The following MAML2 variants were observed in gnomAD, a reference collection of about 807,000 sequenced individuals.
MAML2 encodes mastermind like transcriptional coactivator 2.
A neutral mutation model predicts 96.1 loss-of-function variants in MAML2; 22 were observed. The observed-to-expected ratio is 0.23, with a 90% CI of 0.16 to 0.33. The LOEUF (loss-of-function observed/expected upper bound fraction) is 0.33, where lower values mean the gene tolerates loss of function less well. Among genes scored for constraint, MAML2 ranks in the 10% least tolerant of loss-of-function variants. The pLI, the probability that MAML2 is intolerant of heterozygous loss-of-function variation, is 1.00. For synonymous variants in MAML2, 561 were observed against 521.3 expected, an observed-to-expected ratio of 1.08 and a Z score of -1.04; for missense variants, 1,367 against 1,392.4, an observed-to-expected ratio of 0.98 and a Z score of 0.29.
rs558819301 is a variant in MAML2, at chr11:96,339,755, C to T, written c.513+1628G>A. Among the ~76,000 whole-genome samples the T allele has an allele frequency of 2.5e-3, 388 of 152,330 alleles. 1 individual carries two copies. Among genetic ancestry groups the T allele is most frequent in the African/African-American group, 8.9e-3 (370 of 41,570 alleles). On this transcript the variant is annotated intron_variant, in intron 1 of 4. Coordinates refer to ENST00000524717, the MANE Select transcript of MAML2 (RefSeq NM_032427.4). ...TGGCTACAGATGCTGGTGACACACA[C>T]ATACATACAAACCTCATTCTTCTCT...
chr11:96,312,451 T>C (rs962798838), intron 1 of MAML2, among the ~76,000 whole-genome samples: 4 of 152,116 alleles, frequency 2.6e-5, no homozygotes, highest in African/African-American at 9.7e-5. Flanking sequence ...GGATTCATCA[T>C]TACAATGGAT....
At chr11:96,058,605 C>A (rs1481780510) in intron 2 of MAML2, among the ~76,000 whole-genome samples, 3 of 152,202 alleles carry the variant, frequency 2.0e-5, no homozygotes, top group South Asian at 4.1e-4. Context: ...AGGCATGAGC[C>A]ATCACGTCCG....
intron 2 of MAML2, among the ~76,000 whole-genome samples, chr11:96,002,657 TG>T (rs1325439570): frequency 5.4e-4 from 2 of 3,720 alleles, no homozygotes; most frequent in African/African-American, 2.3e-3. Context: ...AGGATGATGA[TG>T]GGGATGATGA....
At chr11:96,061,110 G>A (rs536555987) in intron 2 of MAML2, among the ~76,000 whole-genome samples, 25 of 152,256 alleles carry the variant, frequency 1.6e-4, no homozygotes, top group African/African-American at 4.6e-4. Context: ...TCTGATGATC[G>A]GGAACAATAA....
intron 2 of MAML2, among the ~76,000 whole-genome samples, chr11:95,998,828 A>G (rs1016818609): frequency 2.4e-4 from 37 of 152,298 alleles, no homozygotes; most frequent in African/African-American, 8.4e-4. Context: ...TAACTTATGG[A>G]AAAAAATCTG....
At chr11:96,146,167 C>T (rs1398695778) in intron 1 of MAML2, among the ~76,000 whole-genome samples, 1 of 152,184 alleles carries the variant, frequency 6.6e-6, no homozygotes, top group East Asian at 1.9e-4. Context: ...AGCATGGTAT[C>T]TTACATAAGA....
rs746015067 is a variant in MAML2, at chr11:96,093,336, G to T, written c.695C>A (p.Thr232Asn). The T allele has an allele frequency of 4.3e-6, 7 of 1,613,862 alleles. No individual in the cohort carries two copies. In the East Asian group the frequency reaches 8.9e-5, roughly 21 times the overall value. ...CAGGGGTGCTTGGCTCATAGGCAAG[G>T]TCCCTGACATAATCTGACTTTGTCC... ...NNGQSQIMSG[T>N]LPMSQAPLRK... is the part of the protein sequence containing the mutation. The change falls in exon 2 of 5, where the codon ACC becomes AAC. Residue 232 changes from threonine to asparagine, a missense_variant. Thr to Asn is a moderately conservative substitution (Grantham distance 65). Transcript: ENST00000524717.
chr11:96,099,961 A>T (rs769540118), intron 1 of MAML2, among the ~76,000 whole-genome samples: 6 of 152,136 alleles, frequency 3.9e-5, no homozygotes, highest in Non-Finnish European at 7.4e-5. Context: ...TTTCCTTTAA[A>T]CTCTGAAGTC....
intron 1 of MAML2, among the ~76,000 whole-genome samples, chr11:96,233,143 A>G (rs1360752030): frequency 6.6e-6 from 1 of 152,180 alleles, no homozygotes; most frequent in Non-Finnish European, 1.5e-5. Context: ...TCTGTCACCA[A>G]TAGAAAAGCA....
intron 2 of MAML2, among the ~76,000 whole-genome samples, chr11:96,003,436 C>T (rs912934781): frequency 6.6e-6 from 1 of 151,706 alleles, no homozygotes; most frequent in Non-Finnish European, 1.5e-5. Context: ...GTCTTTTTTC[C>T]CCACATGTAT....
intron 2 of MAML2, among the ~76,000 whole-genome samples, chr11:96,071,614 G>A (rs1423857163): frequency 6.6e-6 from 1 of 152,210 alleles, no homozygotes; most frequent in Admixed American, 6.5e-5. Flanking sequence ...AAATGAGAAG[G>A]TGCAGTAGAA....
intron 1 of MAML2, among the ~76,000 whole-genome samples, chr11:96,271,695 C>A (rs183039404): frequency 2.0e-5 from 3 of 151,638 alleles, no homozygotes; most frequent in Non-Finnish European, 1.5e-5. Context: ...GAGGCCTCCT[C>A]AGCCCTGCTC....
chr11:96,159,787 A>T (rs1240974311), intron 1 of MAML2, among the ~76,000 whole-genome samples: 2 of 152,178 alleles, frequency 1.3e-5, no homozygotes, highest in Non-Finnish European at 2.9e-5. Context: ...AGTACAGCTT[A>T]CGCTGCCAGC....
chr11:96,195,660 A>C (rs1297246634), intron 1 of MAML2, among the ~76,000 whole-genome samples: 1 of 152,242 alleles, frequency 6.6e-6, no homozygotes, highest in African/African-American at 2.4e-5. Flanking sequence ...TGAAACTTGC[A>C]CCAGGTAACC....
At chr11:96,056,311 G>A (rs1173652740) in intron 2 of MAML2, among the ~76,000 whole-genome samples, 1 of 145,720 alleles carries the variant, frequency 6.9e-6, no homozygotes, top group Non-Finnish European at 1.5e-5. Flanking sequence ...CATTGGAAAG[G>A]ATTCTAAAAT....
At chr11:96,026,776 T>C (rs1460322046) in intron 2 of MAML2, among the ~76,000 whole-genome samples, 1 of 142,214 alleles carries the variant, frequency 7.0e-6, no homozygotes, top group Non-Finnish European at 1.5e-5. Flanking sequence ...GCACAGTAGA[T>C]ACAACATGAG....
At chr11:96,034,456 A>AGAGAGAGAGTGTGTGT (rs766634690) in intron 2 of MAML2, among the ~76,000 whole-genome samples, 121 of 144,824 alleles carry the variant, frequency 8.4e-4, no homozygotes, top group African/African-American at 3.1e-3. Context: ...AGAGAGAGAG[A>AGAGAGAGAGTGTGTGT]GTGTGTGTGT....
At chr11:96,168,757 T>C (rs1249950821) in intron 1 of MAML2, among the ~76,000 whole-genome samples, 1 of 152,164 alleles carries the variant, frequency 6.6e-6, no homozygotes, top group Non-Finnish European at 1.5e-5. Context: ...TCAGGGTCCT[T>C]CCATGGAAGA....
At chr11:96,179,157 C>T (rs992302903) in intron 1 of MAML2, among the ~76,000 whole-genome samples, 3 of 152,166 alleles carry the variant, frequency 2.0e-5, no homozygotes, top group African/African-American at 7.2e-5. Flanking sequence ...TGACAATGAC[C>T]TTACCTTCCA....
Sources: gnomAD v4.1 joint callset for allele counts (sites outside exome capture counted in the v4.1 genomes callset) on GRCh38, gnomAD v4.1.1 for gene constraint, MANE v1.5 for transcripts, NCBI Gene and HGNC (gene_info 2026-07-23, HGNC 2026-07-21) for gene names.